MASP1: variants seen among roughly 807,000 people sequenced by gnomAD.
MASP1 encodes MBL associated serine protease 1, also known as mannan-binding lectin serine protease 1.
In MASP1, 59 loss-of-function variants were observed where a neutral mutation model predicts 77.1. The ratio of observed to expected loss-of-function variants is 0.77; its 90% confidence interval spans 0.62 to 0.95. The LOEUF is 0.95. Among genes scored for constraint, MASP1 ranks in the 40% least tolerant of loss-of-function variants. The pLI, the probability that MASP1 is intolerant of heterozygous loss-of-function variation, is 0.00. For missense variants in MASP1, 885 were observed against 912.9 expected (o/e 0.97, Z 0.39); for synonymous variants, 362 against 354.5 (o/e 1.02, Z -0.24).
At chr3:187,291,184 T>C (rs186243929) in intron 1 of MASP1, 184 of 212,778 alleles carry the variant, frequency 8.6e-4, no homozygotes, top group Non-Finnish European at 1.5e-3. Context: ...AGCCAAGCTA[T>C]GGGAAGCTGG....
chr3:187,255,762 G>C (rs542822467), intron 5 of MASP1, among the ~76,000 whole-genome samples: 3 of 151,862 alleles, frequency 2.0e-5, no homozygotes, highest in African/African-American at 4.8e-5. Flanking sequence ...TCATTTTCTG[G>C]CTCTTTCTGA....
chr3:187,289,100 T>C (rs543962272), intron 1 of MASP1, among the ~76,000 whole-genome samples: 1 of 152,204 alleles, frequency 6.6e-6, no homozygotes, highest in South Asian at 2.1e-4. Flanking sequence ...CTGCTATCTA[T>C]CCTCCGGCTA....
intron 8 of MASP1, chr3:187,246,449 C>T (rs540529715): frequency 1.0e-6 from 1 of 985,438 alleles, no homozygotes; most frequent in African/African-American, 1.7e-5. Flanking sequence ...AGAATGGCAC[C>T]TCAGTCTCCA....
Position 187,236,210 on chromosome 3 carries a change from A to G in MASP1, c.1661T>C (p.Ile554Thr), listed in dbSNP as rs1388726889. ...DFNIQNYNHD[I>T]ALVQLQEPVP... ...AGGCTCCTGCAGCTGCACCAGAGCTATATCGTGGTTGTAGTTTTGGATGTT... is the reference window on the plus strand; with the variant it reads ...AGGCTCCTGCAGCTGCACCAGAGCTGTATCGTGGTTGTAGTTTTGGATGTT... Residue 554 changes from isoleucine (I) to threonine (T), a missense_variant, in exon 11 of 11, where the codon ATA becomes ACA. Transcript: ENST00000296280. The G allele has an allele frequency of 3.7e-6, 6 of 1,614,062 alleles. No individual in the cohort carries two copies. The highest frequency in any genetic ancestry group is 3.4e-6 in the Non-Finnish European group (4 of 1,180,050).
intron 2 of MASP1, among the ~76,000 whole-genome samples, chr3:187,267,345 G>T (rs750901660): frequency 8.5e-5 from 13 of 152,200 alleles, no homozygotes; most frequent in Non-Finnish European, 1.6e-4. Context: ...GAGGAGCATT[G>T]CAGACTTAAT....
At chr3:187,259,628 C>T (rs540620366) in intron 4 of MASP1, among the ~76,000 whole-genome samples, 5 of 152,258 alleles carry the variant, frequency 3.3e-5, no homozygotes, top group Non-Finnish European at 7.4e-5. Flanking sequence ...ATAGTAGATA[C>T]TCAAGAAGAA....
intron 4 of MASP1, among the ~76,000 whole-genome samples, chr3:187,260,029 G>A (rs1170850996): frequency 6.6e-6 from 1 of 152,132 alleles, no homozygotes; most frequent in African/African-American, 2.4e-5. Flanking sequence ...GCCTGCACAG[G>A]TCTGATTGTG....
intron 2 of MASP1, among the ~76,000 whole-genome samples, chr3:187,279,227 C>A (rs1289972950): frequency 6.6e-6 from 1 of 152,200 alleles, no homozygotes; most frequent in Admixed American, 6.5e-5. Context: ...AAATGATTCA[C>A]TTTCTTTACT....
intron 5 of MASP1, among the ~76,000 whole-genome samples, chr3:187,254,703 G>T (rs1305413633): frequency 6.6e-6 from 1 of 152,164 alleles, no homozygotes; most frequent in Non-Finnish European, 1.5e-5. Flanking sequence ...TTGCAGCTGA[G>T]CAGGAGGGAG....
intron 2 of MASP1, among the ~76,000 whole-genome samples, chr3:187,270,773 A>G (rs1489818959): frequency 6.6e-6 from 1 of 152,230 alleles, no homozygotes; most frequent in Non-Finnish European, 1.5e-5. Context: ...CACATAGGGC[A>G]GAGATGAACC....
exon 16 of MASP1, chr3:187,219,473 G>T (rs887476949): frequency 6.3e-6 from 1 of 158,124 alleles, no homozygotes; most frequent in Non-Finnish European, 1.4e-5. Context: ...TCAGAACCTT[G>T]TCTGTTTTAC....
In MASP1 at chr3:187,291,678, G is replaced by A. The variant is rs372545548; in HGVS notation, c.-46C>T. On this transcript the variant is annotated 5_prime_UTR_variant, in exon 1 of 11. Transcript: ENST00000296280. Reference sequence around the variant, plus strand: ...CGGCTGCCCGGCCTTGGTCCTCCCAGCTTGACTTGCCTGTGAGCTCGTGCC... The same window carrying A: ...CGGCTGCCCGGCCTTGGTCCTCCCAACTTGACTTGCCTGTGAGCTCGTGCC... 29 of 1,613,826 alleles carry A rather than the reference G, an allele frequency of 1.8e-5. No homozygotes were observed. Among genetic ancestry groups the A allele is most frequent in the Non-Finnish European group, 2.4e-5 (28 of 1,179,820 alleles).
At chr3:187,273,772 T>C (rs1716723663) in intron 2 of MASP1, among the ~76,000 whole-genome samples, 1 of 152,234 alleles carries the variant, frequency 6.6e-6, no homozygotes, top group African/African-American at 2.4e-5. Context: ...TTTGCATGTG[T>C]GTGCTGCACT....
chr3:187,247,454 AAG>A, intron 8 of MASP1: 3 of 1,565,966 alleles, frequency 1.9e-6, no homozygotes, highest in Admixed American at 1.7e-5. Flanking sequence ...GAGGAAGAGA[AAG>A]AGAGAGAGAT....
chr3:187,248,227 A>C (rs1714266282), intron 8 of MASP1, among the ~76,000 whole-genome samples: 1 of 152,218 alleles, frequency 6.6e-6, no homozygotes, highest in Non-Finnish European at 1.5e-5. Context: ...TTGTATGCTA[A>C]TGTAAGTCAG....
At position 187,236,388 on chromosome 3, in the gene MASP1, C is replaced by A; in HGVS notation, c.1483G>T (p.Ala495Ser). 6.2e-7 allele frequency: 1 copy of A among 1,614,232 alleles called. No homozygotes were observed. Among genetic ancestry groups the A allele is most frequent in the Non-Finnish European group, 8.5e-7 (1 of 1,180,042 alleles). The part of the protein sequence containing the change: ...ALLSASWILT[A>S]AHVLRSQRRD... ...CGCTGGGAGCGCAGCACATGAGCTGCTGTGAGGATCCAGGACGCAGAGAGC... is the reference window on the plus strand; with the variant it reads ...CGCTGGGAGCGCAGCACATGAGCTGATGTGAGGATCCAGGACGCAGAGAGC... The change falls in exon 11 of 11, where the codon GCA (alanine) becomes TCA (serine). Residue 495 changes from alanine to serine, a missense_variant. Ala to Ser is a moderately conservative substitution (Grantham distance 99). Transcript: ENST00000296280.
intron 8 of MASP1, among the ~76,000 whole-genome samples, chr3:187,248,078 A>G (rs571784469): frequency 2.0e-5 from 3 of 152,338 alleles, no homozygotes; most frequent in East Asian, 1.9e-4. Context: ...GAGATGCTCA[A>G]TAAATACCTA....
At chr3:187,273,399 G>A (rs1164051193) in intron 2 of MASP1, among the ~76,000 whole-genome samples, 1 of 152,214 alleles carries the variant, frequency 6.6e-6, no homozygotes, top group African/African-American at 2.4e-5. Context: ...TATGAAAGAC[G>A]ATCAGAGCAA....
chr3:187,225,281 G>C, intron 13 of MASP1: 1 of 1,605,594 alleles, frequency 6.2e-7, no homozygotes, highest in Non-Finnish European at 8.5e-7. Flanking sequence ...ACTCCTTGTG[G>C]AGGCACCAGC....
Sources: gnomAD v4.1 joint callset for allele counts (sites outside exome capture counted in the v4.1 genomes callset) on GRCh38, gnomAD v4.1.1 for gene constraint, MANE v1.5 for transcripts, NCBI Gene and HGNC (gene_info 2026-07-23, HGNC 2026-07-21) for gene names.